Variants in TBC1D10A observed in about 807,000 individuals in gnomAD.
The protein encoded by TBC1D10A is EBP50-PDX interactor of 64 kDa.
A neutral mutation model predicts 52.9 loss-of-function variants in TBC1D10A; 24 were observed. That is an observed-to-expected ratio of 0.45 (90% CI 0.33 to 0.64). The LOEUF is 0.64. Among genes scored for constraint, TBC1D10A ranks in the 30% least tolerant of loss-of-function variants. The pLI, the probability that TBC1D10A is intolerant of heterozygous loss-of-function variation, is 0.02. For missense variants in TBC1D10A, 602 were observed against 687.9 expected, an observed-to-expected ratio of 0.88 and a Z score of 1.40; for synonymous variants, 278 against 282.9, an observed-to-expected ratio of 0.98 and a Z score of 0.17.
Position 30,326,654 on chromosome 22 carries a change from G to T in TBC1D10A, c.209+19C>A. 1 of 1,557,450 alleles carries T rather than the reference G, an allele frequency of 6.4e-7. No homozygotes were observed. The highest frequency in any genetic ancestry group is 1.1e-5 in the South Asian group (1 of 88,026). On this transcript the variant is annotated intron_variant, in intron 1 of 8. Transcript: ENST00000215790. ...TCGCGTGGGTGGCGCGCTCAGTCCC[G>T]ACCCCCGGCGCTACTCACGCGCCCT...
chr22:30,316,024 C>G (rs1482014836), intron 1 of TBC1D10A, among the ~76,000 whole-genome samples: 1 of 152,140 alleles, frequency 6.6e-6, no homozygotes, highest in Middle Eastern at 3.2e-3. Context: ...GTTTCCTTAT[C>G]AGGAAACAGG....
chr22:30,314,448 G>A (rs1433264421), intron 1 of TBC1D10A, among the ~76,000 whole-genome samples: 3 of 152,174 alleles, frequency 2.0e-5, no homozygotes, highest in African/African-American at 7.2e-5. Flanking sequence ...CTGTGAAATG[G>A]CATTACTGTG....
chr22:30,321,913 G>A (rs553455630), intron 1 of TBC1D10A, among the ~76,000 whole-genome samples: 15 of 151,864 alleles, frequency 9.9e-5, no homozygotes, highest in African/African-American at 3.6e-4. Flanking sequence ...AAAGTGACAG[G>A]AGGGGTATCA....
At chr22:30,323,396 G>C (rs192400496) in intron 1 of TBC1D10A, among the ~76,000 whole-genome samples, 1 of 152,194 alleles carries the variant, frequency 6.6e-6, no homozygotes, top group Non-Finnish European at 1.5e-5. Flanking sequence ...TGAGAGAGTC[G>C]AAAGTGCTGA....
Position 30,293,021 on chromosome 22 carries a change from C to G in TBC1D10A, c.1051-170G>C, listed in dbSNP as rs560167463. The G allele has an allele frequency of 3.9e-4, 278 of 709,816 alleles. No individual in the cohort carries two copies. The African/African-American group carries it at 4.4e-3, about 11-fold the overall frequency. 44.0% of individuals were successfully genotyped at this position (709,816 alleles called of 1,614,324 possible). A position where few individuals can be genotyped will look rare whatever the true frequency, so the allele number is the denominator to read the frequency against. On this transcript the variant is annotated intron_variant, in intron 8 of 8. Transcript: ENST00000215790. ...CAAGCTGCAGTCACGAGCCCCACAG[C>G]TGAGTGCCAGGTGAGCTGGACACTT...
Position 30,325,967 on chromosome 22 carries a change from C to T in TBC1D10A, c.209+706G>A, listed in dbSNP as rs547526985. 2.6e-5 allele frequency among the ~76,000 whole-genome samples: 4 copies of T among 152,170 alleles called. No homozygotes were observed. The East Asian group carries it at 7.7e-4, about 29-fold the overall frequency. On this transcript the variant is annotated intron_variant, in intron 1 of 8. Coordinates refer to ENST00000215790, the MANE Select transcript of TBC1D10A (RefSeq NM_031937.3). Reference sequence around the variant, plus strand: ...ACGTGCTGGGAAGGGGGAGTACCTGCCCACCTGTTGCCAGTGCCAGTGGAG... The same window carrying T: ...ACGTGCTGGGAAGGGGGAGTACCTGTCCACCTGTTGCCAGTGCCAGTGGAG...
Position 30,304,610 on chromosome 22 carries a change from T to C in TBC1D10A, c.230A>G (p.Glu77Gly). Reference sequence around the variant, plus strand: ...CTTGGACTCCCTCTGCCTCAGCACCTCCAGGGGTACTTCCTCCAGCCTGTG... The same window carrying C: ...CTTGGACTCCCTCTGCCTCAGCACCCCCAGGGGTACTTCCTCCAGCCTGTG... ...AEGALEEVPL[E>G]VLRQRESKWL... Residue 77 changes from glutamate to glycine, a missense_variant, in exon 2 of 9, where the codon GAG (glutamate) becomes GGG (glycine). This residue lies in a region of TBC1D10A where 201 missense variants were observed against 204.4 expected (regional missense o/e 0.98). Coordinates refer to ENST00000215790, the MANE Select transcript of TBC1D10A (RefSeq NM_031937.3). The C allele has an allele frequency of 1.2e-6, 2 of 1,614,014 alleles. No homozygotes were observed. The highest frequency in any genetic ancestry group is 1.7e-6 in the Non-Finnish European group (2 of 1,179,946).
chr22:30,312,084 A>G (rs1930437514), intron 1 of TBC1D10A, among the ~76,000 whole-genome samples: 1 of 152,178 alleles, frequency 6.6e-6, no homozygotes, highest in Non-Finnish European at 1.5e-5. Flanking sequence ...TTAGTGACTG[A>G]GTGCCGCCTG....
At chr22:30,326,597 C>A in intron 1 of TBC1D10A, 76 bp downstream of exon 1, 2 of 1,422,016 alleles carry the variant, frequency 1.4e-6, no homozygotes, top group Non-Finnish European at 1.9e-6. Context: ...GTCGGCAAGT[C>A]CCGAGGGCGC....
intron 1 of TBC1D10A, among the ~76,000 whole-genome samples, chr22:30,313,341 A>ATATGTG (rs1555974551): frequency 1.4e-4 from 20 of 138,022 alleles, no homozygotes; most frequent in Non-Finnish European, 2.9e-4. Flanking sequence ...TGCTCAATAA[A>ATATGTG]TGTGTGTGTG....
chr22:30,323,428 G>A (rs1601683093), intron 1 of TBC1D10A, among the ~76,000 whole-genome samples: 1 of 152,342 alleles, frequency 6.6e-6, no homozygotes, highest in East Asian at 1.9e-4. Context: ...GAAGGTAAGA[G>A]CAGGCAGGTG....
Position 30,292,668 on chromosome 22 carries a change from G to A in TBC1D10A, c.1234C>T (p.Leu412=), listed in dbSNP as rs1929974385. 1 of 1,609,972 alleles carries A rather than the reference G, an allele frequency of 6.2e-7. No homozygotes were observed. The highest frequency in any genetic ancestry group is 1.7e-5 in the Admixed American group (1 of 59,778). Residue 412 remains leucine (L), a synonymous_variant, in exon 9 of 9, where the codon CTG becomes TTG. Transcript: ENST00000215790. ...CCAGGGAGGGGGGCATCTAGGGGCAGGCGGATGGATGGTGAAGGTTGTAGG... is the reference window on the plus strand; with the variant it reads ...CCAGGGAGGGGGGCATCTAGGGGCAAGCGGATGGATGGTGAAGGTTGTAGG... ...PALQPSPSIR[L]PLDAPLPGSK...
In TBC1D10A at chr22:30,294,092, C is replaced by T. The variant is rs1930019563; in HGVS notation, c.724G>A (p.Gly242Arg). The part of the protein sequence containing the change: ...SEKLEAIQLD[G>R]EILFSLLQKV... ...TGCAACAGCGAGAAAAGGATCTCCC[C>T]GTCCAGCTGGATCGCCTCCTAGGGA... The change falls in exon 7 of 9, where the codon GGG becomes AGG. Residue 242 changes from glycine (G) to arginine (R), a missense_variant. Coordinates refer to ENST00000215790, the MANE Select transcript of TBC1D10A (RefSeq NM_031937.3). 1.9e-6 allele frequency: 3 copies of T among 1,613,926 alleles called. No homozygotes were observed. The highest frequency in any genetic ancestry group is 2.5e-6 in the Non-Finnish European group (3 of 1,179,978).
chr22:30,322,268 A>C lies in TBC1D10A; in HGVS notation c.209+4405T>G, dbSNP rs571132039. Among the ~76,000 whole-genome samples the C allele has an allele frequency of 5.3e-5, 8 of 152,108 alleles. No homozygotes were observed. In the East Asian group the frequency reaches 1.5e-3, roughly 29 times the overall value. Reference sequence around the variant, plus strand: ...AGTGCTGGGATTACGGCGGTGAACCACTGCACCCGGCCCTTCCTGGGCTTC... The same window carrying C: ...AGTGCTGGGATTACGGCGGTGAACCCCTGCACCCGGCCCTTCCTGGGCTTC... On this transcript the variant is annotated intron_variant, in intron 1 of 8. Coordinates refer to ENST00000215790, the MANE Select transcript of TBC1D10A (RefSeq NM_031937.3).
At chr22:30,294,140 G>T (rs1239375294) in intron 6 of TBC1D10A, 30 bp from the exon 7 acceptor site, 1 of 1,605,274 alleles carries the variant, frequency 6.2e-7, no homozygotes, top group South Asian at 1.1e-5. Context: ...ACGGGACCAT[G>T]ACCGTGGGCT....
intron 1 of TBC1D10A, chr22:30,318,799 C>T: frequency 6.7e-6 from 3 of 447,194 alleles, no homozygotes; most frequent in South Asian, 4.8e-5. Context: ...GTCTCACTGC[C>T]TGCAATCCAG....
rs577489640 is a variant in TBC1D10A, at chr22:30,312,388, G to A, written c.210-7758C>T. 9.9e-5 allele frequency among the ~76,000 whole-genome samples: 15 copies of A among 152,250 alleles called. No homozygotes were observed. In the South Asian group the frequency reaches 1.2e-3, roughly 13 times the overall value. Reference sequence around the variant, plus strand: ...CTCAGACCCTGTAGCTGGGCATTACGGCACACGCCCTGTCATCCCAGCTGC... The same window carrying A: ...CTCAGACCCTGTAGCTGGGCATTACAGCACACGCCCTGTCATCCCAGCTGC... On this transcript the variant is annotated intron_variant, in intron 1 of 8. Transcript: ENST00000215790.
intron 1 of TBC1D10A, among the ~76,000 whole-genome samples, chr22:30,324,263 C>CG (rs1930719744): frequency 6.6e-6 from 1 of 152,194 alleles, no homozygotes; most frequent in Non-Finnish European, 1.5e-5. Flanking sequence ...GGGTTCAGGG[C>CG]GGTCACCCTG....
At position 30,294,086 on chromosome 22, in the gene TBC1D10A, T is replaced by A. The variant is rs1930019476; in HGVS notation, c.730A>T (p.Ile244Phe). The A allele has an allele frequency of 2.5e-6, 4 of 1,613,772 alleles. No homozygotes were observed. The highest frequency in any genetic ancestry group is 3.4e-6 in the Non-Finnish European group (4 of 1,179,956). Residue 244 changes from isoleucine to phenylalanine, a missense_variant, in exon 7 of 9, where the codon ATC becomes TTC. Ile to Phe is a conservative substitution (Grantham distance 21, BLOSUM62 0). Coordinates refer to ENST00000215790, the MANE Select transcript of TBC1D10A (RefSeq NM_031937.3). ...ACCTTCTGCAACAGCGAGAAAAGGA[T>A]CTCCCCGTCCAGCTGGATCGCCTCC... Reference protein sequence around the residue: ...KLEAIQLDGEILFSLLQKVSP... With the variant: ...KLEAIQLDGEFLFSLLQKVSP...
Sources: allele counts gnomAD v4.1 joint callset (sites outside exome capture counted in the v4.1 genomes callset), GRCh38; gene constraint gnomAD v4.1.1; regional missense constraint gnomAD v4.1.1; transcripts MANE v1.5; gene names NCBI Gene and HGNC (gene_info 2026-07-23, HGNC 2026-07-21).